TLE5: variants seen among roughly 807,000 people sequenced by gnomAD.
TLE5 encodes TLE family member 5, transcriptional modulator.
Under a neutral mutation model 25.8 loss-of-function variants are expected in TLE5, and 7 were observed. The ratio of observed to expected loss-of-function variants is 0.27; its 90% CI spans 0.15 to 0.51. The LOEUF is 0.51. TLE5 is among the 20% of genes least tolerant of loss of function. The pLI is 0.97. For missense variants in TLE5, 149 were observed against 250.7 expected (o/e 0.59, Z 2.74); for synonymous variants, 132 against 110.5 (o/e 1.20, Z -1.22).
At chr19:3,055,538 G>A (rs972416144) in intron 5 of TLE5, 126 bp downstream of exon 5, 58 of 735,750 alleles carry the variant, frequency 7.9e-5, no homozygotes, top group Non-Finnish European at 1.1e-4. Flanking sequence ...CAGAGCCAGG[G>A]AGGTCCAGAG....
Position 3,062,453 on chromosome 19 carries a change from C to T in TLE5, c.-253G>A, listed in dbSNP as rs2090280430. On this transcript the variant is annotated 5_prime_UTR_variant, in exon 1 of 7. Coordinates refer to ENST00000327141, the MANE Select transcript of TLE5 (RefSeq NM_001130.6). Reference sequence around the variant, plus strand: ...CTCCCCGCCGCCCGCCTCCCCGCTCCCCGGCCCCACCGCTATTGTCTAATG... The same window carrying T: ...CTCCCCGCCGCCCGCCTCCCCGCTCTCCGGCCCCACCGCTATTGTCTAATG... 1.4e-6 allele frequency: 1 copy of T among 690,556 alleles called. No homozygotes were observed. The highest frequency in any genetic ancestry group is 6.5e-5 in the Admixed American group (1 of 15,372). The allele number at this position is 690,556 out of a possible 1,614,324, so 42.8% of individuals were successfully genotyped here.
At chr19:3,059,664 G>A (rs557312593) in intron 2 of TLE5, among the ~76,000 whole-genome samples, 15 of 152,162 alleles carry the variant, frequency 9.9e-5, no homozygotes, top group Non-Finnish European at 1.5e-4. Context: ...AGGGTCCCTC[G>A]TTGGACAGCA....
intron 3 of TLE5, chr19:3,056,699 T>G (rs779010840): frequency 1.9e-5 from 9 of 464,526 alleles, no homozygotes; most frequent in Non-Finnish European, 3.7e-5. Context: ...TCTTTCTATG[T>G]CTTGTCTGCG....
intron 1 of TLE5, among the ~76,000 whole-genome samples, chr19:3,061,964 G>T (rs1420147074): frequency 3.0e-5 from 4 of 131,416 alleles, no homozygotes; most frequent in Non-Finnish European, 6.7e-5. Context: ...GGGAACTGGA[G>T]GGGGGGTGTC....
rs1166664865 is a variant in TLE5, at chr19:3,053,935, C to T, written c.478G>A (p.Gly160Ser). The part of the protein sequence containing the change: ...QPPSLPAVSA[G>S]TGLLSLSALG... ...GCGGACAGCGAGAGGAGGCCGGTGC[C>T]TGCGCTGACCGCCGGCAGCGAAGGC... Residue 160 changes from glycine to serine, a missense_variant, in exon 7 of 7, where the codon GGC (glycine) becomes AGC (serine). Transcript: ENST00000327141. The T allele has an allele frequency of 1.1e-5, 17 of 1,612,252 alleles. No homozygotes were observed. Among genetic ancestry groups the T allele is most frequent in the Non-Finnish European group, 1.4e-5 (17 of 1,179,718 alleles).
chr19:3,059,002 G>A (rs1409044693), intron 2 of TLE5, among the ~76,000 whole-genome samples: 2 of 152,132 alleles, frequency 1.3e-5, no homozygotes, highest in South Asian at 2.1e-4. Flanking sequence ...GGGTGGGGTG[G>A]AGAAGAGTCA....
chr19:3,054,086 T>TCCCCTGGC, intron 6 of TLE5, 34 bp downstream of exon 6: 2 of 1,512,814 alleles, frequency 1.3e-6, no homozygotes, highest in African/African-American at 1.4e-5. Context: ...GGCCCACCTG[T>TCCCCTGGC]CCCCCGCCCA....
chr19:3,057,264 C>T (rs1448409390), intron 3 of TLE5, among the ~76,000 whole-genome samples: 3 of 152,246 alleles, frequency 2.0e-5, no homozygotes, highest in East Asian at 1.9e-4. Flanking sequence ...CTCAGACCCC[C>T]TCCCACAGGC....
chr19:3,057,385 C>T, intron 3 of TLE5: 1 of 430,456 alleles, frequency 2.3e-6, no homozygotes. Context: ...TTGGCTTTCA[C>T]AGCCGGTGAG....
Position 3,053,500 on chromosome 19 carries a change from TGCTGC to T in TLE5, c.*314_*318del. The T allele has an allele frequency of 2.3e-6, 1 of 431,234 alleles. No individual in the cohort carries two copies. The highest frequency in any genetic ancestry group is 3.9e-5 in the Admixed American group (1 of 25,688). The allele number at this position is 431,234 out of a possible 1,614,324, so 26.7% of individuals were successfully genotyped here. A position where few individuals can be genotyped will look rare whatever the true frequency, so the allele number is the denominator to read the frequency against. On this transcript the variant is annotated 3_prime_UTR_variant, in exon 7 of 7. Coordinates refer to ENST00000327141, the MANE Select transcript of TLE5 (RefSeq NM_001130.6). ...TTCAAAACGGGGGAAGGGCCGGGGC[TGCTGC>T]GCTTCGCGAGGTCTTGCTCCCTTGG... is the stretch of plus-strand genomic sequence containing the variant.
chr19:3,054,601 G>A, intron 5 of TLE5: 1 of 197,158 alleles, frequency 5.1e-6, no homozygotes, highest in Non-Finnish European at 1.0e-5. Context: ...GATCCTAGGA[G>A]CTCCAAGACT....
Position 3,062,262 on chromosome 19 carries a change from G to A in TLE5, c.-62C>T. ...TGTGCGCCCCGGCTCGGGCTGCTGG[G>A]GGCGCCGGGCGGCCGCGCCTTTGTC... On this transcript the variant is annotated 5_prime_UTR_variant, in exon 1 of 7. Coordinates refer to ENST00000327141, the MANE Select transcript of TLE5 (RefSeq NM_001130.6). 2 of 1,039,140 alleles carry A rather than the reference G, an allele frequency of 1.9e-6. No individual in the cohort carries two copies. Among genetic ancestry groups the A allele is most frequent in the Non-Finnish European group, 2.3e-6 (2 of 864,666 alleles). The allele number at this position is 1,039,140 out of a possible 1,614,324, so 64.4% of individuals were successfully genotyped here. A position where few individuals can be genotyped will look rare whatever the true frequency, so the allele number is the denominator to read the frequency against.
upstream of TLE5, chr19:3,062,870 T>C (rs1454195705): frequency 6.8e-7 from 1 of 1,476,852 alleles, no homozygotes; most frequent in East Asian, 2.5e-5. Flanking sequence ...AGTTTCCTTT[T>C]CTGCAGAAAG....
intron 3 of TLE5, among the ~76,000 whole-genome samples, chr19:3,056,923 T>A (rs982046525): frequency 6.6e-6 from 1 of 152,024 alleles, no homozygotes; most frequent in Admixed American, 6.5e-5. Context: ...TCTGTCTCTG[T>A]CTGGTGAACT....
chr19:3,058,301 G>C (rs1039723469), intron 2 of TLE5, among the ~76,000 whole-genome samples: 1 of 152,124 alleles, frequency 6.6e-6, no homozygotes, highest in Non-Finnish European at 1.5e-5. Flanking sequence ...GACGAGGCCC[G>C]CAACGTCATT....
chr19:3,062,646 C>T, upstream of TLE5: 1 of 1,279,854 alleles, frequency 7.8e-7, no homozygotes, highest in Non-Finnish European at 9.9e-7. Flanking sequence ...CCGCGGTGAC[C>T]TTGGGCCCGG....
At position 3,053,993 on chromosome 19, in the gene TLE5, C is replaced by T. The variant is rs2090196491; in HGVS notation, c.420G>A (p.Leu140=). ...GCCCCACGGGTAGTGGGGTCAAGGG[C>T]AGGGCCAGGGCCTGCAGCTGGGACA... ...HQLSQLQALA[L]PLTPLPVGLQ... Residue 140 remains leucine (L), a synonymous_variant, in exon 7 of 7, where the codon CTG becomes CTA. Transcript: ENST00000327141. 1.9e-6 allele frequency: 3 copies of T among 1,607,146 alleles called. No homozygotes were observed. The highest frequency in any genetic ancestry group is 2.5e-6 in the Non-Finnish European group (3 of 1,177,550).
In TLE5 at chr19:3,054,374, C is replaced by A. The variant is rs139628923; in HGVS notation, c.298-180G>T. The A allele has an allele frequency of 9.1e-5, 56 of 612,240 alleles. No homozygotes were observed. The African/African-American group carries it at 9.6e-4, about 10-fold the overall frequency. 37.9% of individuals were successfully genotyped at this position (612,240 alleles called of 1,614,324 possible). On this transcript the variant is annotated intron_variant, in intron 5 of 6. Coordinates refer to ENST00000327141, the MANE Select transcript of TLE5 (RefSeq NM_001130.6). ...CCCTCTCTCCAACTGCTTCCTTTCA[C>A]CAAGCTCGTCTCTTCGTCTGGCCAA...
chr19:3,057,423 AAGGACAGCCGGGGGACCTGGC>A, intron 3 of TLE5: 1 of 508,694 alleles, frequency 2.0e-6, no homozygotes, highest in South Asian at 2.2e-5. Flanking sequence ...CTCCGCTGCC[AAGGACAGCCGGGGGACCTGGC>A]AGGGCCGGTC....
Sources: allele counts gnomAD v4.1 joint callset (sites outside exome capture counted in the v4.1 genomes callset), GRCh38; gene constraint gnomAD v4.1.1; transcripts MANE v1.5; gene names NCBI Gene and HGNC (gene_info 2026-07-23, HGNC 2026-07-21).